CCSER1: variants seen among roughly 807,000 people sequenced by gnomAD.
The protein encoded by CCSER1 is serine-rich coiled-coil domain-containing protein 1.
A neutral mutation model predicts 82.0 loss-of-function variants in CCSER1; 41 were observed. That is an observed-to-expected ratio of 0.50 (90% CI 0.39 to 0.65). CCSER1 has a LOEUF of 0.65. Among genes scored for constraint, CCSER1 ranks in the 30% least tolerant of loss-of-function variants. The pLI is 0.00. For synonymous variants in CCSER1, 414 were observed against 383.9 expected (o/e 1.08, Z -0.92); for missense variants, 1,119 against 1,064.2 (o/e 1.05, Z -0.72).
chr4:91,555,795 A>C (rs904659538), intron 10 of CCSER1, among the ~76,000 whole-genome samples: 1 of 151,100 alleles, frequency 6.6e-6, no homozygotes, highest in Non-Finnish European at 1.5e-5. Context: ...AGTACAGTAA[A>C]ATAACATTTT....
At chr4:90,990,132 TTTAAA>T (rs1242568204) in intron 9 of CCSER1, among the ~76,000 whole-genome samples, 3 of 151,900 alleles carry the variant, frequency 2.0e-5, no homozygotes, top group African/African-American at 7.2e-5. Flanking sequence ...TATTTATTTG[TTTAAA>T]TTAAGCAACT....
At chr4:91,597,134 G>A (rs1013639460) in intron 10 of CCSER1, among the ~76,000 whole-genome samples, 1 of 151,910 alleles carries the variant, frequency 6.6e-6, no homozygotes, top group Non-Finnish European at 1.5e-5. Context: ...GAGGAAGAAG[G>A]AACTGGTAGA....
chr4:90,485,526 C>T (rs1252513153), intron 5 of CCSER1, among the ~76,000 whole-genome samples: 1 of 151,178 alleles, frequency 6.6e-6, no homozygotes, highest in Admixed American at 6.6e-5. Context: ...CCACCCCCCC[C>T]CCCCAATTTA....
chr4:90,325,248 G>T (rs1340267876), intron 3 of CCSER1, among the ~76,000 whole-genome samples: 1 of 152,164 alleles, frequency 6.6e-6, no homozygotes, highest in Admixed American at 6.5e-5. Context: ...AAATAGTCAT[G>T]TTGTAACAAT....
chr4:90,929,659 G>A (rs541998700), intron 9 of CCSER1, among the ~76,000 whole-genome samples: 2 of 152,292 alleles, frequency 1.3e-5, no homozygotes, highest in Non-Finnish European at 2.9e-5. Flanking sequence ...GAGGAAAACA[G>A]CAAGGCTAGA....
At chr4:90,178,006 TG>T (rs1167565681) in intron 1 of CCSER1, among the ~76,000 whole-genome samples, 1 of 152,110 alleles carries the variant, frequency 6.6e-6, no homozygotes, top group East Asian at 1.9e-4. Context: ...GAAAGTATAT[TG>T]GAAATATTCA....
chr4:91,256,582 T>C (rs1397655420), intron 10 of CCSER1, among the ~76,000 whole-genome samples: 1 of 152,170 alleles, frequency 6.6e-6, no homozygotes, highest in Admixed American at 6.5e-5. Context: ...CTCCCTTTTT[T>C]AGTCTTTCCC....
intron 1 of CCSER1, among the ~76,000 whole-genome samples, chr4:90,136,061 T>A (rs1478452231): frequency 6.6e-6 from 1 of 152,244 alleles, no homozygotes; most frequent in African/African-American, 2.4e-5. Context: ...TTCTGCAGTC[T>A]CCTTCATAAC....
chr4:91,319,952 A>C (rs1464996101), intron 10 of CCSER1, among the ~76,000 whole-genome samples: 1 of 152,052 alleles, frequency 6.6e-6, no homozygotes, highest in Non-Finnish European at 1.5e-5. Flanking sequence ...ATTGCACTAC[A>C]TTCAGAGTAG....
intron 8 of CCSER1, among the ~76,000 whole-genome samples, chr4:90,856,272 G>A (rs966408968): frequency 2.6e-5 from 4 of 151,936 alleles, no homozygotes; most frequent in African/African-American, 9.7e-5. Flanking sequence ...AATTTCTAAT[G>A]TACTTCATTT....
chr4:91,379,127 T>C (rs2149334399), intron 10 of CCSER1, among the ~76,000 whole-genome samples: 1 of 152,334 alleles, frequency 6.6e-6, no homozygotes, highest in East Asian at 1.9e-4. Flanking sequence ...GATGAGCTTT[T>C]TGATGTGCTG....
intron 6 of CCSER1, among the ~76,000 whole-genome samples, chr4:90,666,289 TA>T (rs969950917): frequency 6.6e-6 from 1 of 152,232 alleles, no homozygotes; most frequent in Non-Finnish European, 1.5e-5. Context: ...TCTTGATTAC[TA>T]AGTCCTTTTT....
intron 5 of CCSER1, among the ~76,000 whole-genome samples, chr4:90,527,897 G>A (rs1773989873): frequency 6.6e-6 from 1 of 152,040 alleles, no homozygotes; most frequent in Non-Finnish European, 1.5e-5. Context: ...ACAAGTCTTG[G>A]CAGGAATACA....
intron 1 of CCSER1, among the ~76,000 whole-genome samples, chr4:90,282,644 T>C (rs1473147902): frequency 2.6e-5 from 4 of 151,966 alleles, no homozygotes; most frequent in Non-Finnish European, 5.9e-5. Context: ...CATCTCATCT[T>C]ACCCAAATTA....
intron 1 of CCSER1, among the ~76,000 whole-genome samples, chr4:90,298,408 T>C (rs9761279): frequency 0.18 from 27,430 of 151,088 alleles, 2,916 homozygotes; most frequent in South Asian, 0.26. Context: ...GTCTTGCTAG[T>C]GGTCTATCAA....
chr4:90,960,298 A>G (rs893531592), intron 9 of CCSER1, among the ~76,000 whole-genome samples: 1 of 152,206 alleles, frequency 6.6e-6, no homozygotes, highest in Non-Finnish European at 1.5e-5. Flanking sequence ...CATTAAGAAC[A>G]TTATACTCAC....
At chr4:91,369,304 C>G (rs1173075797) in intron 10 of CCSER1, among the ~76,000 whole-genome samples, 1 of 152,156 alleles carries the variant, frequency 6.6e-6, no homozygotes, top group African/African-American at 2.4e-5. Flanking sequence ...GAACAGAGAT[C>G]CAGCAGATGA....
At chr4:90,223,313 A>G (rs1041690612) in intron 1 of CCSER1, among the ~76,000 whole-genome samples, 1 of 152,188 alleles carries the variant, frequency 6.6e-6, no homozygotes, top group Non-Finnish European at 1.5e-5. Context: ...ATAAAAGATA[A>G]TATTGATTTT....
chr4:91,475,201 T>C (rs1757522498), intron 10 of CCSER1, among the ~76,000 whole-genome samples: 1 of 151,580 alleles, frequency 6.6e-6, no homozygotes, highest in South Asian at 2.1e-4. Flanking sequence ...GTGTGTTTAA[T>C]GTGGATTAAT....
Sources: gnomAD v4.1 joint callset for allele counts (sites outside exome capture counted in the v4.1 genomes callset) on GRCh38, gnomAD v4.1.1 for gene constraint, MANE v1.5 for transcripts, NCBI Gene and HGNC (gene_info 2026-07-23, HGNC 2026-07-21) for gene names.